The following CDK15 variants were observed in gnomAD, a reference collection of about 807,000 sequenced individuals.
The protein encoded by CDK15 is cyclin-dependent kinase 15.
Under a neutral mutation model 60.3 loss-of-function variants are expected in CDK15, and 62 were observed. The observed-to-expected ratio is 1.03, with a 90% confidence interval of 0.84 to 1.27. CDK15 has a LOEUF of 1.27. Among genes scored for constraint, CDK15 ranks in the 50% most tolerant of loss-of-function variants. CDK15 has a pLI of 0.00. For synonymous variants in CDK15, 194 were observed against 195.7 expected (o/e 0.99, Z 0.07); for missense variants, 541 against 527.8 (o/e 1.03, Z -0.25).
Position 201,811,070 on chromosome 2 carries a change from C to T in CDK15, c.369-1413C>T, listed in dbSNP as rs548223565. On this transcript the variant is annotated intron_variant, in intron 3 of 13. Coordinates refer to ENST00000652192, the MANE Select transcript of CDK15 (RefSeq NM_001366386.2). ...GTTGCCCAGGCTGGTCTCAAACTCC[C>T]GAGCTCAGGCAATCCACCCACCTCA... Among the ~76,000 whole-genome samples the T allele has an allele frequency of 3.3e-5, 5 of 150,908 alleles. No homozygotes were observed. In the South Asian group the frequency reaches 8.4e-4, roughly 25 times the overall value.
intron 10 of CDK15, chr2:201,861,030 C>T: frequency 8.7e-7 from 1 of 1,156,014 alleles, no homozygotes; most frequent in Non-Finnish European, 1.1e-6. Context: ...GTTGTATGAG[C>T]TATTAGCCAA....
intron 4 of CDK15, among the ~76,000 whole-genome samples, chr2:201,818,567 C>G (rs1696087105): frequency 6.6e-6 from 1 of 152,188 alleles, no homozygotes; most frequent in African/African-American, 2.4e-5. Flanking sequence ...AAGACCCACA[C>G]ATCTGAGGCT....
At chr2:201,808,220 A>G (rs2882322) in intron 3 of CDK15, among the ~76,000 whole-genome samples, 43,130 of 152,130 alleles carry the variant, frequency 0.28, 6,303 homozygotes, top group East Asian at 0.42. Flanking sequence ...GAAAATAGAC[A>G]TTCTCTACTA....
At chr2:201,816,779 G>A (rs1340618477) in intron 4 of CDK15, among the ~76,000 whole-genome samples, 1 of 152,024 alleles carries the variant, frequency 6.6e-6, no homozygotes, top group Admixed American at 6.5e-5. Flanking sequence ...AACAGGGCCT[G>A]GGGGGAGGCA....
At chr2:201,854,659 G>A (rs544277000) in intron 9 of CDK15, 166 of 548,530 alleles carry the variant, frequency 3.0e-4, no homozygotes, top group African/African-American at 2.6e-3. Flanking sequence ...TGCAGGCCCC[G>A]GACCATAGGA....
intron 7 of CDK15, 140 bp from the exon 8 acceptor site, chr2:201,835,503 G>C: frequency 4.1e-6 from 4 of 972,652 alleles, no homozygotes; most frequent in Non-Finnish European, 5.7e-6. Context: ...ATAGACAAGA[G>C]TCAAGATAGT....
intron 12 of CDK15, 24 bp from the exon 13 acceptor site, chr2:201,890,761 G>A: frequency 6.5e-7 from 1 of 1,537,146 alleles, no homozygotes; most frequent in South Asian, 1.2e-5. Flanking sequence ...ACATATTGGT[G>A]CTTCTCTCTT....
intron 8 of CDK15, among the ~76,000 whole-genome samples, chr2:201,846,682 A>C (rs1697686096): frequency 6.6e-6 from 1 of 152,120 alleles, no homozygotes; most frequent in Admixed American, 6.6e-5. Flanking sequence ...CATAACTGCA[A>C]GGCCAGCTTA....
intron 11 of CDK15, among the ~76,000 whole-genome samples, chr2:201,876,035 G>A (rs1257934117): frequency 6.6e-6 from 1 of 152,192 alleles, no homozygotes; most frequent in Non-Finnish European, 1.5e-5. Context: ...CTCCTGTCAT[G>A]TTTGGTAGTT....
intron 4 of CDK15, among the ~76,000 whole-genome samples, chr2:201,816,436 T>A (rs1047012191): frequency 4.7e-5 from 7 of 149,760 alleles, no homozygotes; most frequent in African/African-American, 1.7e-4. Context: ...TCTGCATCCA[T>A]GTTGCTGCTA....
chr2:201,835,523 T>C, intron 7 of CDK15, 120 bp from the exon 8 acceptor site: 8 of 1,135,048 alleles, frequency 7.0e-6, no homozygotes, highest in Non-Finnish European at 9.5e-6. Context: ...TGATTAGTTC[T>C]ACTAAAAGCA....
At chr2:201,856,522 T>C (rs1021954122) in intron 10 of CDK15, among the ~76,000 whole-genome samples, 1 of 152,222 alleles carries the variant, frequency 6.6e-6, no homozygotes, top group Non-Finnish European at 1.5e-5. Flanking sequence ...CCTATTTCCA[T>C]TGGTCTGAGA....
intron 10 of CDK15, among the ~76,000 whole-genome samples, chr2:201,859,138 C>T (rs1698275057): frequency 6.6e-6 from 1 of 152,056 alleles, no homozygotes; most frequent in African/African-American, 2.4e-5. Flanking sequence ...TAATAATACT[C>T]CACAGGAAGC....
chr2:201,888,725 TCTCC>T (rs1436682049), intron 12 of CDK15: 9 of 1,217,138 alleles, frequency 7.4e-6, no homozygotes, highest in East Asian at 7.3e-5. Flanking sequence ...TCTCTCTCTC[TCTCC>T]CTCCCTCCCT....
At chr2:201,838,914 A>T (rs1697247989) in intron 8 of CDK15, among the ~76,000 whole-genome samples, 1 of 152,090 alleles carries the variant, frequency 6.6e-6, no homozygotes, top group Non-Finnish European at 1.5e-5. Flanking sequence ...AGGTATTCTT[A>T]AAAATATTTT....
chr2:201,871,810 T>C lies in CDK15; in HGVS notation c.1010-468T>C, dbSNP rs1286633028. On this transcript the variant is annotated intron_variant, in intron 10 of 13. Coordinates refer to ENST00000652192, the MANE Select transcript of CDK15 (RefSeq NM_001366386.2). ...CAGAGTTGGTTCCGTGGGAGGGATG[T>C]GAGGGAGAATTTGTCCCAGGTCCCT... Among the ~76,000 whole-genome samples, 3 of 151,976 alleles carry C rather than the reference T, an allele frequency of 2.0e-5. No homozygotes were observed. In the East Asian group the frequency reaches 5.8e-4, roughly 29 times the overall value.
intron 10 of CDK15, 136 bp downstream of exon 10, chr2:201,855,073 T>C (rs1698088159): frequency 1.4e-6 from 1 of 709,228 alleles, no homozygotes. Flanking sequence ...ATTCATATAT[T>C]CCCTGACTAA....
intron 3 of CDK15, among the ~76,000 whole-genome samples, chr2:201,810,424 T>A (rs1695704608): frequency 6.7e-6 from 1 of 149,350 alleles, no homozygotes; most frequent in Non-Finnish European, 1.5e-5. Flanking sequence ...GATAGGGCTA[T>A]GACAGAGGGA....
At chr2:201,853,347 G>A (rs1218361347) in intron 9 of CDK15, among the ~76,000 whole-genome samples, 2 of 152,136 alleles carry the variant, frequency 1.3e-5, no homozygotes, top group East Asian at 1.9e-4. Flanking sequence ...TATTATATGA[G>A]GGAAAATAGC....
Sources: allele counts gnomAD v4.1 joint callset (sites outside exome capture counted in the v4.1 genomes callset), GRCh38; gene constraint gnomAD v4.1.1; transcripts MANE v1.5; gene names NCBI Gene and HGNC (gene_info 2026-07-23, HGNC 2026-07-21).